CDK14: variants seen among roughly 807,000 people sequenced by gnomAD.
CDK14 encodes cyclin-dependent kinase 14.
Under a neutral mutation model 60.7 loss-of-function variants are expected in CDK14, and 34 were observed. The ratio of observed to expected loss-of-function variants is 0.56; its 90% confidence interval spans 0.43 to 0.75. The LOEUF is 0.75. Ranked by LOEUF, CDK14 falls within the 30% of genes least tolerant of loss-of-function variation. The pLI is 0.00. For synonymous variants in CDK14, 197 were observed against 203.7 expected, an observed-to-expected ratio of 0.97 and a Z score of 0.28; for missense variants, 482 against 564.1, an observed-to-expected ratio of 0.85 and a Z score of 1.47.
At chr7:91,015,128 A>C (rs1437768864) in intron 10 of CDK14, among the ~76,000 whole-genome samples, 3 of 152,050 alleles carry the variant, frequency 2.0e-5, no homozygotes, top group East Asian at 3.9e-4. Context: ...TTTCTGCTTT[A>C]TATGAAGTCC....
At chr7:91,138,104 T>G (rs73213015) in intron 14 of CDK14, among the ~76,000 whole-genome samples, 12,002 of 152,290 alleles carry the variant, frequency 0.079, 596 homozygotes, top group Non-Finnish European at 0.1. Context: ...GAGAATAATG[T>G]GCTTGTTTTC....
chr7:90,681,712 G>A lies in CDK14; in HGVS notation c.124-44855G>A, dbSNP rs1159543939. ...ACTAAACTTTTTTATTGACTCAAAT[G>A]TAGGAGAGACAACTCTATATAGACT... On this transcript the variant is annotated intron_variant, in intron 2 of 14. Transcript: ENST00000380050. 5.9e-5 allele frequency among the ~76,000 whole-genome samples: 9 copies of A among 152,262 alleles called. No individual in the cohort carries two copies. The South Asian group carries it at 1.5e-3, about 25-fold the overall frequency.
intron 14 of CDK14, among the ~76,000 whole-genome samples, chr7:91,197,044 CT>C (rs1447711661): frequency 6.6e-6 from 1 of 152,102 alleles, no homozygotes; most frequent in Non-Finnish European, 1.5e-5. Context: ...CCTGTTGTTC[CT>C]TTGGTGACCA....
Position 90,847,440 on chromosome 7 carries a change from A to C in CDK14, c.545-15735A>C, listed in dbSNP as rs558189300. Among the ~76,000 whole-genome samples, 9 of 152,292 alleles carry C rather than the reference A, an allele frequency of 5.9e-5. No individual in the cohort carries two copies. In the South Asian group the frequency reaches 1.9e-3, roughly 32 times the overall value. On this transcript the variant is annotated intron_variant, in intron 5 of 14. Transcript: ENST00000380050. ...AAAAGAATAGATTATCCAGATAAAA[A>C]ATTAAACTAAATAATTAATATTAAA...
intron 6 of CDK14, among the ~76,000 whole-genome samples, chr7:90,864,474 A>C (rs963782117): frequency 2.0e-5 from 3 of 152,144 alleles, no homozygotes; most frequent in African/African-American, 7.2e-5. Flanking sequence ...TTTCAGTTAA[A>C]TCTAGATTTT....
At chr7:90,746,097 T>G (rs572232940) in intron 3 of CDK14, among the ~76,000 whole-genome samples, 6 of 152,248 alleles carry the variant, frequency 3.9e-5, no homozygotes, top group Non-Finnish European at 5.9e-5. Flanking sequence ...CATGTTCACC[T>G]AGAGGTTCTT....
chr7:90,829,826 C>T (rs1042294890), intron 5 of CDK14, among the ~76,000 whole-genome samples: 7 of 152,292 alleles, frequency 4.6e-5, no homozygotes, highest in Admixed American at 2.6e-4. Flanking sequence ...AGACACTGCC[C>T]GGCTAGTCAT....
intron 7 of CDK14, among the ~76,000 whole-genome samples, chr7:90,908,595 C>T (rs930890796): frequency 5.3e-5 from 8 of 151,908 alleles, no homozygotes; most frequent in African/African-American, 1.2e-4. Context: ...GATCTGCACA[C>T]GACCCCTTTG....
intron 10 of CDK14, among the ~76,000 whole-genome samples, chr7:91,016,994 C>T (rs1427004880): frequency 6.6e-6 from 1 of 152,172 alleles, no homozygotes; most frequent in Non-Finnish European, 1.5e-5. Flanking sequence ...AGGAAGAAGG[C>T]AGGCAAAATT....
At chr7:91,092,978 A>G (rs777744107) in intron 12 of CDK14, among the ~76,000 whole-genome samples, 12 of 152,222 alleles carry the variant, frequency 7.9e-5, no homozygotes, top group Non-Finnish European at 1.0e-4. Flanking sequence ...TACATCACAG[A>G]GTAAATAAAT....
intron 8 of CDK14, among the ~76,000 whole-genome samples, chr7:90,919,674 A>G (rs1793188235): frequency 6.6e-6 from 1 of 152,238 alleles, no homozygotes; most frequent in African/African-American, 2.4e-5. Flanking sequence ...TTTTCAAATA[A>G]TATGTCATGA....
At chr7:90,726,919 T>C in intron 3 of CDK14, 107 bp downstream of exon 3, 1 of 1,314,206 alleles carries the variant, frequency 7.6e-7, no homozygotes, top group Non-Finnish European at 1.1e-6. Context: ...TGCCTTATTA[T>C]GCATTCTCTC....
intron 2 of CDK14, among the ~76,000 whole-genome samples, chr7:90,650,937 C>T (rs1483634851): frequency 1.1e-4 from 16 of 152,178 alleles, no homozygotes; most frequent in Non-Finnish European, 7.4e-5. Flanking sequence ...CTTGGCAATG[C>T]GGGCTCTTTT....
chr7:90,661,896 G>T (rs1443594313), intron 2 of CDK14, among the ~76,000 whole-genome samples: 1 of 152,070 alleles, frequency 6.6e-6, no homozygotes, highest in Non-Finnish European at 1.5e-5. Context: ...TGGAGCAAAT[G>T]TAACAGCTGC....
chr7:91,187,557 A>G (rs1477754986), intron 14 of CDK14, among the ~76,000 whole-genome samples: 2 of 152,188 alleles, frequency 1.3e-5, no homozygotes, highest in Non-Finnish European at 2.9e-5. Flanking sequence ...GTCTAGGGTA[A>G]ATACCCAAGG....
At chr7:90,666,768 G>A (rs569006670) in intron 2 of CDK14, among the ~76,000 whole-genome samples, 31 of 152,246 alleles carry the variant, frequency 2.0e-4, no homozygotes, top group African/African-American at 6.7e-4. Context: ...CCATGACATC[G>A]TTTCAGTATT....
intron 14 of CDK14, among the ~76,000 whole-genome samples, chr7:91,151,194 C>T (rs1800818689): frequency 2.0e-5 from 3 of 152,158 alleles, no homozygotes; most frequent in Non-Finnish European, 2.9e-5. Context: ...ACACCCCAGT[C>T]TTTAGGCTGT....
intron 8 of CDK14, among the ~76,000 whole-genome samples, chr7:90,925,618 T>C (rs1024370317): frequency 6.6e-6 from 1 of 152,196 alleles, no homozygotes; most frequent in Non-Finnish European, 1.5e-5. Flanking sequence ...TTCCAGCTAC[T>C]TGGAAGGCTG....
At chr7:91,124,386 C>A (rs1257973184) in intron 14 of CDK14, among the ~76,000 whole-genome samples, 2 of 152,086 alleles carry the variant, frequency 1.3e-5, no homozygotes. Flanking sequence ...TTCACTAAAC[C>A]ATGTATGTTA....
Sources: gnomAD v4.1 joint callset for allele counts (sites outside exome capture counted in the v4.1 genomes callset) on GRCh38, gnomAD v4.1.1 for gene constraint, MANE v1.5 for transcripts, NCBI Gene and HGNC (gene_info 2026-07-23, HGNC 2026-07-21) for gene names.